Variants in PRORP observed in about 807,000 individuals in gnomAD.
PRORP encodes protein only RNase P catalytic subunit, also known as mitochondrial ribonuclease P catalytic subunit.
A neutral mutation model predicts 59.4 loss-of-function variants in PRORP; 51 were observed. The ratio of observed to expected loss-of-function variants is 0.86; its 90% confidence interval spans 0.69 to 1.08. The LOEUF (loss-of-function observed/expected upper bound fraction) is 1.08. Ranked by LOEUF, PRORP falls within the 50% of genes least tolerant of loss-of-function variation. PRORP has a pLI of 0.00. For missense variants in PRORP, 646 were observed against 690.3 expected (o/e 0.94, Z 0.72); for synonymous variants, 231 against 245.6 (o/e 0.94, Z 0.55).
At chr14:35,212,488 T>G (rs1484420357) in intron 5 of PRORP, among the ~76,000 whole-genome samples, 1 of 152,230 alleles carries the variant, frequency 6.6e-6, no homozygotes, top group Non-Finnish European at 1.5e-5. Flanking sequence ...ATGGATGTTG[T>G]GTTCACAGGC....
At chr14:35,269,165 G>C (rs2051123555) in intron 6 of PRORP, among the ~76,000 whole-genome samples, 1 of 152,108 alleles carries the variant, frequency 6.6e-6, no homozygotes. Context: ...CTTATCTCTT[G>C]TGTAACTTTT....
At chr14:35,229,534 A>G (rs1324844990) in intron 5 of PRORP, among the ~76,000 whole-genome samples, 1 of 152,230 alleles carries the variant, frequency 6.6e-6, no homozygotes, top group Admixed American at 6.5e-5. Context: ...TCCCGGCACC[A>G]TTTATTGAAT....
At chr14:35,221,234 G>A (rs1271437234) in intron 5 of PRORP, among the ~76,000 whole-genome samples, 1 of 122,936 alleles carries the variant, frequency 8.1e-6, no homozygotes, top group Non-Finnish European at 1.8e-5. Flanking sequence ...ACATTTAAGG[G>A]GATACCAAAA....
intron 4 of PRORP, among the ~76,000 whole-genome samples, chr14:35,163,809 A>G (rs1263258269): frequency 2.6e-5 from 4 of 152,100 alleles, no homozygotes; most frequent in South Asian, 2.1e-4. Context: ...TTTTGTTGCA[A>G]TTGCTCTTGG....
intron 5 of PRORP, among the ~76,000 whole-genome samples, chr14:35,198,364 T>A (rs1303805288): frequency 6.6e-6 from 1 of 152,174 alleles, no homozygotes; most frequent in African/African-American, 2.4e-5. Flanking sequence ...ATGGATTGTG[T>A]AAGCATCAGC....
At chr14:35,219,477 G>C (rs558885000) in intron 5 of PRORP, among the ~76,000 whole-genome samples, 14 of 152,324 alleles carry the variant, frequency 9.2e-5, no homozygotes, top group Admixed American at 4.6e-4. Flanking sequence ...TATGAAAACT[G>C]TTGGCCCACA....
chr14:35,134,566 G>A (rs2047327819), intron 4 of PRORP, among the ~76,000 whole-genome samples: 1 of 152,198 alleles, frequency 6.6e-6, no homozygotes, highest in African/African-American at 2.4e-5. Flanking sequence ...GGCTCAGAGT[G>A]TGTCTAGAAA....
intron 4 of PRORP, among the ~76,000 whole-genome samples, chr14:35,176,277 G>C (rs2048447498): frequency 6.6e-6 from 1 of 152,138 alleles, no homozygotes; most frequent in Admixed American, 6.5e-5. Context: ...ATTCTGTGAA[G>C]AAAGTCATTG....
intron 4 of PRORP, among the ~76,000 whole-genome samples, chr14:35,147,388 G>C (rs34509212): frequency 0.18 from 28,069 of 152,082 alleles, 2,715 homozygotes; most frequent in Middle Eastern, 0.28. Context: ...TGTCACCCAG[G>C]CTGGAGTGCA....
chr14:35,200,008 A>G (rs1252178323), intron 5 of PRORP, among the ~76,000 whole-genome samples: 1 of 152,198 alleles, frequency 6.6e-6, no homozygotes, highest in Non-Finnish European at 1.5e-5. Flanking sequence ...TATTGGGTTT[A>G]AGCTTGGAGG....
intron 5 of PRORP, among the ~76,000 whole-genome samples, chr14:35,231,103 T>C (rs1222025465): frequency 6.6e-6 from 1 of 152,130 alleles, no homozygotes; most frequent in African/African-American, 2.4e-5. Flanking sequence ...TTGAATATCA[T>C]TTGGTTTCTT....
intron 6 of PRORP, among the ~76,000 whole-genome samples, chr14:35,270,021 G>T (rs1432103376): frequency 6.6e-6 from 1 of 152,156 alleles, no homozygotes; most frequent in African/African-American, 2.4e-5. Flanking sequence ...AGTATTTTGG[G>T]TGTTTCTTGA....
intron 4 of PRORP, among the ~76,000 whole-genome samples, chr14:35,161,014 A>G (rs2048045677): frequency 6.6e-6 from 1 of 152,166 alleles, no homozygotes; most frequent in Non-Finnish European, 1.5e-5. Flanking sequence ...TTTCTTATAC[A>G]TGTGGAAGCA....
chr14:35,187,931 A>G (rs1320400275), intron 5 of PRORP, among the ~76,000 whole-genome samples: 1 of 145,422 alleles, frequency 6.9e-6, no homozygotes, highest in Admixed American at 6.9e-5. Flanking sequence ...GTTCACTACA[A>G]CCTCCACCTC....
At chr14:35,201,573 T>C (rs1018797217) in intron 5 of PRORP, among the ~76,000 whole-genome samples, 22 of 151,032 alleles carry the variant, frequency 1.5e-4, no homozygotes, top group South Asian at 8.3e-4. Flanking sequence ...TTCTTTATTA[T>C]TTTTTTTTAG....
intron 5 of PRORP, among the ~76,000 whole-genome samples, chr14:35,208,585 A>G (rs1367625137): frequency 1.3e-5 from 2 of 152,226 alleles, no homozygotes; most frequent in Admixed American, 6.5e-5. Context: ...TAAAATTATT[A>G]ATGGCCGGGC....
At chr14:35,148,406 A>G (rs528914452) in intron 4 of PRORP, among the ~76,000 whole-genome samples, 45 of 152,298 alleles carry the variant, frequency 3.0e-4, no homozygotes, top group African/African-American at 1.1e-3. Context: ...GAGCAATAAT[A>G]TTTTGAAGAG....
chr14:35,171,897 G>C (rs2048319972), intron 4 of PRORP, among the ~76,000 whole-genome samples: 1 of 151,762 alleles, frequency 6.6e-6, no homozygotes, highest in African/African-American at 2.4e-5. Flanking sequence ...TCTTTCTTCT[G>C]CCATCTCCAA....
chr14:35,203,673 G>C (rs1435951920), intron 5 of PRORP, among the ~76,000 whole-genome samples: 1 of 152,084 alleles, frequency 6.6e-6, no homozygotes, highest in Non-Finnish European at 1.5e-5. Flanking sequence ...GACCATCCTG[G>C]CTAACACAGT....
Sources: allele counts gnomAD v4.1 joint callset (sites outside exome capture counted in the v4.1 genomes callset), GRCh38; gene constraint gnomAD v4.1.1; transcripts MANE v1.5; gene names NCBI Gene and HGNC (gene_info 2026-07-23, HGNC 2026-07-21).